BANK1: variants seen among roughly 807,000 people sequenced by gnomAD.
BANK1 encodes B cell scaffold protein with ankyrin repeats 1.
BANK1 carries 95 observed loss-of-function variants against 94.5 expected under a neutral mutation model. That is an observed-to-expected ratio of 1.00 (90% confidence interval 0.85 to 1.19). The LOEUF is 1.19. Ranked by LOEUF, BANK1 falls within the 50% of genes most tolerant of loss-of-function variation. The probability of loss-of-function intolerance (pLI) is 0.00; values close to 1 mark genes in which losing one functional copy is unlikely to be tolerated. For synonymous variants in BANK1, 334 were observed against 308.4 expected, an observed-to-expected ratio of 1.08 and a Z score of -0.87; for missense variants, 987 against 932.2, an observed-to-expected ratio of 1.06 and a Z score of -0.77.
intron 13 of BANK1, among the ~76,000 whole-genome samples, chr4:102,068,875 A>G (rs954993876): frequency 6.6e-6 from 1 of 152,128 alleles, no homozygotes; most frequent in Non-Finnish European, 1.5e-5. Context: ...ACTTTCTGCC[A>G]ATACATTTAA....
intron 2 of BANK1, among the ~76,000 whole-genome samples, chr4:101,846,583 G>A (rs777475751): frequency 2.6e-5 from 4 of 152,162 alleles, no homozygotes; most frequent in Non-Finnish European, 5.9e-5. Context: ...GGCCAAGAAG[G>A]CCTCAGGAAA....
At position 101,980,446 on chromosome 4, in the gene BANK1, T is replaced by TA. The variant is rs1725290925; in HGVS notation, c.1207-41067dup. Among the ~76,000 whole-genome samples, 4 of 151,814 alleles carry TA rather than the reference T, an allele frequency of 2.6e-5. No individual in the cohort carries two copies. In the South Asian group the frequency reaches 8.3e-4, roughly 31 times the overall value. ...ATATATATTTGAGTTATTTTTTTTTTACTTTCTCTTGTTCTGTTGTTCTCT... is the reference window on the plus strand; with the variant it reads ...ATATATATTTGAGTTATTTTTTTTTTAACTTTCTCTTGTTCTGTTGTTCTCT... On this transcript the variant is annotated intron_variant, in intron 7 of 16. Coordinates refer to ENST00000322953, the MANE Select transcript of BANK1 (RefSeq NM_017935.5).
chr4:101,853,499 A>G (rs1413861453), intron 2 of BANK1, among the ~76,000 whole-genome samples: 1 of 152,076 alleles, frequency 6.6e-6, no homozygotes, highest in Non-Finnish European at 1.5e-5. Context: ...TTCTTGTTGC[A>G]ATAAAGAGAA....
chr4:101,962,262 G>A (rs1724595885), intron 7 of BANK1, among the ~76,000 whole-genome samples: 1 of 152,048 alleles, frequency 6.6e-6, no homozygotes, highest in African/African-American at 2.4e-5. Flanking sequence ...TAGCCCCACG[G>A]CATCATGCAG....
At chr4:101,985,758 T>A (rs562654757) in intron 7 of BANK1, among the ~76,000 whole-genome samples, 1 of 152,060 alleles carries the variant, frequency 6.6e-6, no homozygotes, top group African/African-American at 2.4e-5. Flanking sequence ...TTAAAAAAAA[T>A]AAAAATCTAC....
intron 7 of BANK1, among the ~76,000 whole-genome samples, chr4:101,951,870 C>CAA (rs145343057): frequency 1.3e-4 from 19 of 150,928 alleles, no homozygotes; most frequent in African/African-American, 3.4e-4. Flanking sequence ...ATTTATAAAA[C>CAA]AAAAAAAATA....
intron 4 of BANK1, among the ~76,000 whole-genome samples, chr4:101,868,038 C>A (rs563494686): frequency 2.0e-5 from 3 of 151,754 alleles, no homozygotes; most frequent in African/African-American, 7.2e-5. Context: ...GGATAACAAG[C>A]AAGACCCAAT....
At chr4:102,069,863 A>C (rs370772973) in intron 13 of BANK1, among the ~76,000 whole-genome samples, 2 of 152,330 alleles carry the variant, frequency 1.3e-5, no homozygotes, top group East Asian at 3.9e-4. Flanking sequence ...GATAACAGAT[A>C]AAAAGGATGG....
intron 7 of BANK1, among the ~76,000 whole-genome samples, chr4:101,929,424 A>AT (rs1723272632): frequency 6.6e-6 from 1 of 151,672 alleles, no homozygotes; most frequent in South Asian, 2.1e-4. Flanking sequence ...AAATTTTAAT[A>AT]TTTTAAACAC....
At chr4:101,927,460 C>G (rs1242820603) in intron 7 of BANK1, among the ~76,000 whole-genome samples, 1 of 151,578 alleles carries the variant, frequency 6.6e-6, no homozygotes, top group Non-Finnish European at 1.5e-5. Context: ...AGAGTCACAA[C>G]TATATTGATC....
At chr4:101,883,212 T>C (rs902817357) in intron 5 of BANK1, among the ~76,000 whole-genome samples, 5 of 152,224 alleles carry the variant, frequency 3.3e-5, no homozygotes, top group Non-Finnish European at 7.3e-5. Context: ...TTATATTCAC[T>C]TCAGTTACAA....
intron 5 of BANK1, among the ~76,000 whole-genome samples, chr4:101,889,575 G>T (rs947016558): frequency 7.2e-6 from 1 of 138,208 alleles, no homozygotes; most frequent in African/African-American, 2.8e-5. Context: ...TCCGCAGTCC[G>T]GCCTGGGCGA....
chr4:101,955,574 C>T (rs1195523078), intron 7 of BANK1, among the ~76,000 whole-genome samples: 1 of 152,104 alleles, frequency 6.6e-6, no homozygotes, highest in East Asian at 1.9e-4. Flanking sequence ...CCATCAACCT[C>T]TTGAAAGATA....
chr4:102,058,839 GAAGA>G (rs1406894607), intron 11 of BANK1, among the ~76,000 whole-genome samples: 3 of 151,650 alleles, frequency 2.0e-5, no homozygotes, highest in Admixed American at 1.3e-4. Context: ...TAAAAATAAA[GAAGA>G]AAGAAAGAAA....
chr4:101,902,356 A>T (rs924618185), intron 6 of BANK1, among the ~76,000 whole-genome samples: 1 of 152,220 alleles, frequency 6.6e-6, no homozygotes, highest in Non-Finnish European at 1.5e-5. Flanking sequence ...TTCTAACAAT[A>T]CTGTTTTTCT....
chr4:101,834,721 A>G (rs1726760262), intron 2 of BANK1, among the ~76,000 whole-genome samples: 1 of 152,190 alleles, frequency 6.6e-6, no homozygotes, highest in Admixed American at 6.5e-5. Flanking sequence ...CTCATTCCAT[A>G]AAGAAATTAT....
At chr4:101,856,078 T>G (rs1007831828) in intron 3 of BANK1, among the ~76,000 whole-genome samples, 3 of 152,170 alleles carry the variant, frequency 2.0e-5, no homozygotes, top group African/African-American at 7.2e-5. Context: ...GTCTTTCTGA[T>G]AGAAGCCAGT....
intron 1 of BANK1, among the ~76,000 whole-genome samples, chr4:101,826,998 G>A (rs562560402): frequency 6.6e-6 from 1 of 151,862 alleles, no homozygotes; most frequent in Non-Finnish European, 1.5e-5. Context: ...TACATGCTCT[G>A]TTTTCAGAGG....
chr4:102,016,883 A>T (rs1486571), intron 7 of BANK1, among the ~76,000 whole-genome samples: 72,394 of 151,814 alleles, frequency 0.48, 20,623 homozygotes, highest in African/African-American at 0.8. Context: ...GGCAGCAGAG[A>T]GGATAAGATG....
Sources: allele counts gnomAD v4.1 joint callset (sites outside exome capture counted in the v4.1 genomes callset), GRCh38; gene constraint gnomAD v4.1.1; transcripts MANE v1.5; gene names NCBI Gene and HGNC (gene_info 2026-07-23, HGNC 2026-07-21).